MARCHF6: variants seen among roughly 807,000 people sequenced by gnomAD.
MARCHF6 encodes E3 ubiquitin-protein ligase MARCHF6.
A neutral mutation model predicts 133.7 loss-of-function variants in MARCHF6; 31 were observed. The observed-to-expected ratio is 0.23, with a 90% CI of 0.17 to 0.31. The LOEUF (loss-of-function observed/expected upper bound fraction) is 0.31. MARCHF6 is among the 10% of genes least tolerant of loss of function. The pLI is 1.00. For missense variants in MARCHF6, 723 were observed against 1,121.6 expected (o/e 0.64, Z 5.08); for synonymous variants, 395 against 402.5 (o/e 0.98, Z 0.22).
intron 24 of MARCHF6, among the ~76,000 whole-genome samples, chr5:10,429,489 C>G (rs1397065608): frequency 6.6e-6 from 1 of 151,478 alleles, no homozygotes; most frequent in Non-Finnish European, 1.5e-5. Context: ...ACCTCCACCT[C>G]TCAGGTTCAA....
rs771976519 is a variant in MARCHF6, at chr5:10,439,056, A to G, written c.*5372A>G. ...AGTAACTCTTCTTTAGGATACACCTAAAGATGAGAAGCTTCATACCCAGTA... is the reference window on the plus strand; with the variant it reads ...AGTAACTCTTCTTTAGGATACACCTGAAGATGAGAAGCTTCATACCCAGTA... On this transcript the variant is annotated 3_prime_UTR_variant, in exon 26 of 26. Coordinates refer to ENST00000274140, the MANE Select transcript of MARCHF6 (RefSeq NM_005885.4). 1.3e-5 allele frequency: 2 copies of G among 152,186 alleles called. No homozygotes were observed. Among genetic ancestry groups the G allele is most frequent in the African/African-American group, 2.4e-5 (1 of 41,438 alleles). 9.4% of individuals were successfully genotyped at this position (152,186 alleles called of 1,614,324 possible). A position where few individuals can be genotyped will look rare whatever the true frequency, so the allele number is the denominator to read the frequency against.
chr5:10,391,445 T>G (rs1321314070), intron 6 of MARCHF6, 97 bp from the exon 7 acceptor site: 12 of 515,650 alleles, frequency 2.3e-5, no homozygotes, highest in African/African-American at 1.0e-4. Flanking sequence ...GGTTTTTTTT[T>G]TTTTTTTTTT....
intron 1 of MARCHF6, among the ~76,000 whole-genome samples, chr5:10,372,488 T>A (rs1305677719): frequency 6.6e-6 from 1 of 150,714 alleles, no homozygotes; most frequent in East Asian, 1.9e-4. Context: ...TTAATACTGC[T>A]TGGAAATAAT....
intron 5 of MARCHF6, among the ~76,000 whole-genome samples, chr5:10,388,799 A>G (rs905095905): frequency 6.6e-6 from 1 of 152,236 alleles, no homozygotes; most frequent in Non-Finnish European, 1.5e-5. Context: ...GCCTCTGTCC[A>G]GGATTCACAA....
chr5:10,368,176 A>G (rs1458810251), intron 1 of MARCHF6, among the ~76,000 whole-genome samples: 1 of 152,208 alleles, frequency 6.6e-6, no homozygotes, highest in East Asian at 1.9e-4. Context: ...TGGAACTAGT[A>G]TACAAAACAG....
chr5:10,369,516 C>T (rs949057800), intron 1 of MARCHF6, among the ~76,000 whole-genome samples: 4 of 151,428 alleles, frequency 2.6e-5, no homozygotes, highest in African/African-American at 9.7e-5. Context: ...AATTTAAATA[C>T]AGTAAAATTT....
chr5:10,410,998 TGTAA>T (rs1243306311), intron 18 of MARCHF6, among the ~76,000 whole-genome samples: 2 of 152,054 alleles, frequency 1.3e-5, no homozygotes, highest in Non-Finnish European at 2.9e-5. Context: ...ACCTTGTGCT[TGTAA>T]GTACTTACCT....
At chr5:10,405,756 G>C in intron 16 of MARCHF6, 79 bp downstream of exon 16, 1 of 1,330,590 alleles carries the variant, frequency 7.5e-7, no homozygotes, top group East Asian at 2.4e-5. Flanking sequence ...TTTTTTTCCA[G>C]TTCTCAAGCA....
At chr5:10,415,998 C>T (rs189872970) in intron 21 of MARCHF6, among the ~76,000 whole-genome samples, 2 of 152,188 alleles carry the variant, frequency 1.3e-5, no homozygotes, top group Admixed American at 6.5e-5. Context: ...CAAAGCAAGA[C>T]CCCATCTGTA....
chr5:10,354,914 T>C (rs1735352450), intron 1 of MARCHF6, among the ~76,000 whole-genome samples: 1 of 152,206 alleles, frequency 6.6e-6, no homozygotes, highest in Admixed American at 6.5e-5. Context: ...TTTGATATTA[T>C]CTATGTAATG....
intron 1 of MARCHF6, among the ~76,000 whole-genome samples, chr5:10,359,607 TGAA>T (rs1735688385): frequency 1.3e-5 from 2 of 152,314 alleles, no homozygotes; most frequent in South Asian, 4.1e-4. Flanking sequence ...ATATATTTAT[TGAA>T]GAAAGAAATC....
At chr5:10,379,381 A>G (rs532336090) in intron 3 of MARCHF6, among the ~76,000 whole-genome samples, 3 of 152,318 alleles carry the variant, frequency 2.0e-5, no homozygotes, top group Admixed American at 1.3e-4. Flanking sequence ...GATTTCATCA[A>G]ATATTCAGTA....
At chr5:10,364,318 C>T (rs1028876690) in intron 1 of MARCHF6, among the ~76,000 whole-genome samples, 6 of 151,994 alleles carry the variant, frequency 3.9e-5, no homozygotes, top group Admixed American at 3.9e-4. Context: ...GGTTGATGGG[C>T]AGTTATGCAG....
chr5:10,388,323 T>C (rs988295593), intron 5 of MARCHF6, among the ~76,000 whole-genome samples: 5 of 152,240 alleles, frequency 3.3e-5, no homozygotes, highest in Admixed American at 2.6e-4. Flanking sequence ...AACTACTTTT[T>C]TTCTGAGTAA....
chr5:10,376,709 C>G (rs1736803246), intron 1 of MARCHF6, among the ~76,000 whole-genome samples: 1 of 152,208 alleles, frequency 6.6e-6, no homozygotes, highest in Non-Finnish European at 1.5e-5. Context: ...GCATGCACCC[C>G]ACTCACAGAA....
chr5:10,385,908 G>A (rs1312814879), intron 4 of MARCHF6, among the ~76,000 whole-genome samples: 1 of 151,992 alleles, frequency 6.6e-6, no homozygotes, highest in Non-Finnish European at 1.5e-5. Context: ...GTTCTAATTT[G>A]TTTATATACA....
At chr5:10,414,653 C>T in intron 20 of MARCHF6, 151 bp downstream of exon 20, 1 of 601,594 alleles carries the variant, frequency 1.7e-6, no homozygotes, top group Non-Finnish European at 2.9e-6. Context: ...AGCAATCCTT[C>T]CACCTCAGCT....
chr5:10,377,653 A>C (rs1736872089), intron 1 of MARCHF6, 145 bp from the exon 2 acceptor site: 1 of 533,260 alleles, frequency 1.9e-6, no homozygotes. Flanking sequence ...CAACTTAATC[A>C]CAACTTTCAG....
chr5:10,405,245 AC>A (rs1371762302), intron 15 of MARCHF6, among the ~76,000 whole-genome samples: 1 of 152,030 alleles, frequency 6.6e-6, no homozygotes, highest in Non-Finnish European at 1.5e-5. Flanking sequence ...TAACCCTTTT[AC>A]GATAGTAATG....
Sources: allele counts gnomAD v4.1 joint callset (sites outside exome capture counted in the v4.1 genomes callset), GRCh38; gene constraint gnomAD v4.1.1; transcripts MANE v1.5; gene names NCBI Gene and HGNC (gene_info 2026-07-23, HGNC 2026-07-21).